The following DNAH11 variants were observed in gnomAD, a reference collection of about 807,000 sequenced individuals.
The protein encoded by DNAH11 is axonemal beta dynein heavy chain 11.
In DNAH11, 442 loss-of-function variants were observed where a neutral mutation model predicts 526.0. The observed-to-expected ratio is 0.84, with a 90% CI of 0.78 to 0.91. The LOEUF is 0.91. Among genes scored for constraint, DNAH11 ranks in the 40% least tolerant of loss-of-function variants. The probability of loss-of-function intolerance (pLI) is 0.00; values close to 1 mark genes in which losing one functional copy is unlikely to be tolerated. For missense variants in DNAH11, 6,989 were observed against 5,448.7 expected, an observed-to-expected ratio of 1.28 and a Z score of -8.90; for synonymous variants, 2,461 against 1,935.9, an observed-to-expected ratio of 1.27 and a Z score of -7.12.
At chr7:21,656,736 T>G (rs1782031079) in intron 29 of DNAH11, among the ~76,000 whole-genome samples, 1 of 152,190 alleles carries the variant, frequency 6.6e-6, no homozygotes, top group South Asian at 2.1e-4. Flanking sequence ...TGAAAGTATT[T>G]GCAGAAAGAT....
chr7:21,704,222 G>C (rs572016172), intron 37 of DNAH11, among the ~76,000 whole-genome samples: 1 of 152,070 alleles, frequency 6.6e-6, no homozygotes, highest in Non-Finnish European at 1.5e-5. Context: ...CTTATTCTAA[G>C]GATTGTTCAT....
intron 69 of DNAH11, among the ~76,000 whole-genome samples, chr7:21,864,139 A>G (rs757892758): frequency 5.3e-5 from 8 of 152,240 alleles, no homozygotes; most frequent in Non-Finnish European, 1.0e-4. Context: ...ACTATACCAG[A>G]ATTAACTAAT....
At position 21,655,177 on chromosome 7, in the gene DNAH11, A is replaced by G. The variant is rs114007695; in HGVS notation, c.4945-655A>G. On this transcript the variant is annotated intron_variant, in intron 28 of 81. Transcript: ENST00000409508. ...GGATGTAAGAGGTTATGACACCAGA[A>G]GAACTTGATCTTTATAGATGTGGCC... 3.6e-3 allele frequency among the ~76,000 whole-genome samples: 543 copies of G among 152,286 alleles called. 3 individuals are homozygous for G. Among genetic ancestry groups the G allele is most frequent in the African/African-American group, 0.012 (487 of 41,554 alleles).
chr7:21,639,538 G>T (rs1200412650), intron 28 of DNAH11, among the ~76,000 whole-genome samples: 1 of 152,108 alleles, frequency 6.6e-6, no homozygotes, highest in South Asian at 2.1e-4. Context: ...GGATCATCCC[G>T]AATTAACCCT....
intron 55 of DNAH11, among the ~76,000 whole-genome samples, chr7:21,772,543 T>C (rs1445361703): frequency 6.6e-6 from 1 of 152,134 alleles, no homozygotes; most frequent in Non-Finnish European, 1.5e-5. Flanking sequence ...TTATGATTTA[T>C]ATGAAGTTTA....
chr7:21,776,594 C>A (rs1787680970), intron 56 of DNAH11, among the ~76,000 whole-genome samples: 1 of 152,186 alleles, frequency 6.6e-6, no homozygotes, highest in Non-Finnish European at 1.5e-5. Flanking sequence ...CAGCTTAGGT[C>A]ATCACAGATA....
chr7:21,831,076 C>A lies in DNAH11; in HGVS notation c.10692-11468C>A, dbSNP rs138403963. ...CTCCGTGTGATGCAGTGACAAGGGC[C>A]AGTGTAATTTGTTCCTGTGGGGAGT... On this transcript the variant is annotated intron_variant, in intron 65 of 81. Transcript: ENST00000409508. 5.6e-3 allele frequency among the ~76,000 whole-genome samples: 854 copies of A among 152,274 alleles called. 7 individuals carry two copies. The highest frequency in any genetic ancestry group is 0.02 in the African/African-American group (812 of 41,566).
At position 21,591,475 on chromosome 7, in the gene DNAH11, C is replaced by T; in HGVS notation, c.2565C>T (p.His855=). Residue 855 remains histidine (H), a synonymous_variant, in exon 14 of 82, where the codon CAC becomes CAT. Transcript: ENST00000409508. ...ARCVLPPRRE[H]RREAAFTLED... Reference sequence around the variant, plus strand: ...GCGTGCTACCTCCCAGGAGAGAGCACAGACGAGAGGCAGCCTTCACCTTGG... The same window carrying T: ...GCGTGCTACCTCCCAGGAGAGAGCATAGACGAGAGGCAGCCTTCACCTTGG... The T allele has an allele frequency of 6.2e-7, 1 of 1,613,716 alleles. No homozygotes were observed.
At chr7:21,704,307 C>T in intron 37 of DNAH11, 127 bp from the exon 38 acceptor site, 2 of 933,292 alleles carry the variant, frequency 2.1e-6, no homozygotes, top group South Asian at 3.7e-5. Flanking sequence ...AGAATGCCAT[C>T]TTAATGGAGA....
Position 21,866,500 on chromosome 7 carries a change from A to G in DNAH11, c.11527A>G (p.Ile3843Val). 2.5e-6 allele frequency: 4 copies of G among 1,613,000 alleles called. 1 individual carries two copies. The South Asian group carries it at 3.3e-5, about 13-fold the overall frequency. Reference sequence around the variant, plus strand: ...TGCCGTCATGGAAGAATTTCGAGGCATAGACCGAGATGTGGAAGGATCTGC... The same window carrying G: ...TGCCGTCATGGAAGAATTTCGAGGCGTAGACCGAGATGTGGAAGGATCTGC... ...AIAVMEEFRG[I>V]DRDVEGSAKQ... The change falls in exon 71 of 82, where the codon ATA becomes GTA. Residue 3843 changes from isoleucine to valine, a missense_variant. Transcript: ENST00000409508.
At chr7:21,854,774 C>G (rs1782771588) in intron 68 of DNAH11, among the ~76,000 whole-genome samples, 1 of 151,974 alleles carries the variant, frequency 6.6e-6, no homozygotes, top group Non-Finnish European at 1.5e-5. Context: ...AACTCCTGAC[C>G]TCAAATGATC....
intron 30 of DNAH11, among the ~76,000 whole-genome samples, chr7:21,660,802 C>A (rs1308554901): frequency 6.6e-6 from 1 of 151,876 alleles, no homozygotes; most frequent in Non-Finnish European, 1.5e-5. Context: ...TCTATAGATA[C>A]ACATTTTAAA....
intron 51 of DNAH11, among the ~76,000 whole-genome samples, chr7:21,748,245 A>G (rs912607754): frequency 6.6e-6 from 1 of 152,208 alleles, no homozygotes; most frequent in Non-Finnish European, 1.5e-5. Flanking sequence ...GCACTTTGGG[A>G]GGCCAAGGCG....
intron 51 of DNAH11, among the ~76,000 whole-genome samples, chr7:21,747,450 G>A (rs1322596495): frequency 6.6e-6 from 1 of 152,130 alleles, no homozygotes; most frequent in Non-Finnish European, 1.5e-5. Flanking sequence ...GCAAAATGAT[G>A]GCATCAAATT....
intron 62 of DNAH11, among the ~76,000 whole-genome samples, chr7:21,806,942 T>A (rs1789288743): frequency 6.6e-6 from 1 of 152,228 alleles, no homozygotes; most frequent in Non-Finnish European, 1.5e-5. Flanking sequence ...ATATAGGTCA[T>A]AGCTTCCTCC....
At chr7:21,861,775 T>A in intron 68 of DNAH11, 78 bp from the exon 69 acceptor site, 1 of 1,564,154 alleles carries the variant, frequency 6.4e-7, no homozygotes, top group Non-Finnish European at 8.7e-7. Flanking sequence ...AACCTTAAAC[T>A]GTTGCCCTGT....
rs372724409 is a variant in DNAH11 at position 21,789,386 on chromosome 7, C to T, written c.10026+44C>T. ...ATTGAAAAGGTTCCCAAGAGGTGGT[C>T]GCTGCCTCCACCTTAGGATTCCACC... On this transcript the variant is annotated intron_variant, in intron 61 of 81. Transcript: ENST00000409508. 45 of 1,366,342 alleles carry T rather than the reference C, an allele frequency of 3.3e-5. 2 individuals are homozygous for T. Among genetic ancestry groups the T allele is most frequent in the Admixed American group, 2.6e-4 (12 of 46,844 alleles). The allele number at this position is 1,366,342 out of a possible 1,614,324, so 84.6% of individuals were successfully genotyped here.
chr7:21,687,312 G>T, intron 33 of DNAH11, 57 bp downstream of exon 33: 1 of 1,557,358 alleles, frequency 6.4e-7, no homozygotes. Flanking sequence ...ATTCCTGATT[G>T]GGAATTATTC....
chr7:21,661,442 AT>A (rs1427566635), intron 30 of DNAH11, among the ~76,000 whole-genome samples: 1 of 151,814 alleles, frequency 6.6e-6, no homozygotes, highest in African/African-American at 2.4e-5. Context: ...TTCTAAGTTG[AT>A]AGTTTTTTTT....
Sources: gnomAD v4.1 joint callset for allele counts (sites outside exome capture counted in the v4.1 genomes callset) on GRCh38, gnomAD v4.1.1 for gene constraint, MANE v1.5 for transcripts, NCBI Gene and HGNC (gene_info 2026-07-23, HGNC 2026-07-21) for gene names.